Variants in CUBN observed in about 807,000 individuals in gnomAD.
CUBN encodes the protein cubilin.
In CUBN, 282 loss-of-function variants were observed where a neutral mutation model predicts 405.3. The ratio of observed to expected loss-of-function variants is 0.70; its 90% CI spans 0.63 to 0.77. The LOEUF is 0.77. Ranked by LOEUF, CUBN falls within the 30% of genes least tolerant of loss-of-function variation. CUBN has a pLI of 0.00. For synonymous variants in CUBN, 1,684 were observed against 1,617.0 expected, an observed-to-expected ratio of 1.04 and a Z score of -0.99; for missense variants, 4,514 against 4,475.2, an observed-to-expected ratio of 1.01 and a Z score of -0.25.
intron 51 of CUBN, among the ~76,000 whole-genome samples, chr10:16,902,029 G>GTA (rs36171086): frequency 0.69 from 83,125 of 119,920 alleles, 29,340 homozygotes; most frequent in East Asian, 0.96. Flanking sequence ...TATATAGTGT[G>GTA]TATATATATA....
chr10:16,918,901 T>C (rs1841962506), intron 44 of CUBN, 101 bp from the exon 45 acceptor site: 2 of 1,088,198 alleles, frequency 1.8e-6, no homozygotes, highest in Non-Finnish European at 2.7e-6. Flanking sequence ...TAAATCATCA[T>C]TTCTTAGCAT....
At chr10:16,903,670 T>G (rs1029605267) in intron 51 of CUBN, among the ~76,000 whole-genome samples, 2 of 147,768 alleles carry the variant, frequency 1.4e-5, no homozygotes, top group Non-Finnish European at 3.0e-5. Context: ...TATTTATTAT[T>G]ATTAATTATT....
At position 17,070,292 on chromosome 10, in the gene CUBN, C is replaced by T. The variant is rs572640676; in HGVS notation, c.2625+1134G>A. ...GTAGCTTTGTTCTAAGTTTTGAAATCAGGAAGTGTGAGTCCTTCAACTTTG... is the reference window on the plus strand; with the variant it reads ...GTAGCTTTGTTCTAAGTTTTGAAATTAGGAAGTGTGAGTCCTTCAACTTTG... On this transcript the variant is annotated intron_variant, in intron 19 of 66. Transcript: ENST00000377833. Among the ~76,000 whole-genome samples, 34 of 152,284 alleles carry T rather than the reference C, an allele frequency of 2.2e-4. 1 individual carries two copies. The South Asian group carries it at 6.4e-3, about 29-fold the overall frequency.
At position 17,007,783 on chromosome 10, in the gene CUBN, T is replaced by C. The variant is rs191198161; in HGVS notation, c.4168+12050A>G. 2.9e-3 allele frequency among the ~76,000 whole-genome samples: 437 copies of C among 152,298 alleles called. 3 individuals carry two copies. The highest frequency in any genetic ancestry group is 9.6e-3 in the African/African-American group (399 of 41,554). On this transcript the variant is annotated intron_variant, in intron 28 of 66. Coordinates refer to ENST00000377833, the MANE Select transcript of CUBN (RefSeq NM_001081.4). Reference sequence around the variant, plus strand: ...AGCCCTCCACCTGATTCTGAGAACATCCCTTGCGGGGCTGTGCAAGGAGAA... The same window carrying C: ...AGCCCTCCACCTGATTCTGAGAACACCCCTTGCGGGGCTGTGCAAGGAGAA...
chr10:16,928,204 G>T lies in CUBN; in HGVS notation c.6224C>A (p.Ser2075Ter). 1 of 1,613,966 alleles carries T rather than the reference G, an allele frequency of 6.2e-7. No homozygotes were observed. The highest frequency in any genetic ancestry group is 8.5e-7 in the Non-Finnish European group (1 of 1,179,894). ...GCCTGCCCTGGTTACACTGGAGTCC[G>T]AGGTGAAGCGGATGAACATGTACTC... Reference protein sequence around the residue: ...TGEYMFIRFTSDSSVTRAGFN... With the variant: ...TGEYMFIRFT Residue 2075 changes from serine (S) to a stop codon, truncating the protein, a stop_gained, in exon 41 of 67, where the codon TCG becomes TAG. Transcript: ENST00000377833. LOFTEE classifies it high-confidence loss of function.
At chr10:16,857,788 C>T (rs1038959795) in intron 59 of CUBN, among the ~76,000 whole-genome samples, 1 of 152,116 alleles carries the variant, frequency 6.6e-6, no homozygotes, top group Non-Finnish European at 1.5e-5. Flanking sequence ...TGATTTCACA[C>T]CCCTCTAACT....
intron 15 of CUBN, among the ~76,000 whole-genome samples, 179 bp from the exon 16 acceptor site, chr10:17,085,938 T>C (rs1836098689): frequency 6.6e-6 from 1 of 151,636 alleles, no homozygotes; most frequent in African/African-American, 2.4e-5. Context: ...CCTTCTCCCA[T>C]CACCCCAATG....
chr10:16,862,158 TCTCA>T (rs1302437954), intron 59 of CUBN, among the ~76,000 whole-genome samples: 3,400 of 90,730 alleles, frequency 0.037, 132 homozygotes, highest in African/African-American at 0.16. Flanking sequence ...TCTCTCTCTC[TCTCA>T]CACACACACA....
chr10:16,883,849 T>C (rs10508516), intron 56 of CUBN, among the ~76,000 whole-genome samples: 7,274 of 152,312 alleles, frequency 0.048, 513 homozygotes, highest in African/African-American at 0.16. Context: ...CAAGAATTAC[T>C]GGATCTGAGA....
At chr10:17,091,350 G>A (rs1836253733) in intron 14 of CUBN, among the ~76,000 whole-genome samples, 1 of 151,894 alleles carries the variant, frequency 6.6e-6, no homozygotes, top group Non-Finnish European at 1.5e-5. Context: ...AATGGAATAA[G>A]TGACCATTTT....
chr10:16,877,657 G>T (rs770924254), intron 56 of CUBN, among the ~76,000 whole-genome samples: 1 of 152,112 alleles, frequency 6.6e-6, no homozygotes, highest in Non-Finnish European at 1.5e-5. Context: ...AATGTTTATT[G>T]AACAACCATT....
At position 17,129,150 on chromosome 10, in the gene CUBN, C is replaced by T; in HGVS notation, c.223G>A (p.Asp75Asn). The T allele has an allele frequency of 1.2e-6, 2 of 1,613,152 alleles. No homozygotes were observed. Among genetic ancestry groups the T allele is most frequent in the South Asian group, 1.1e-5 (1 of 91,062 alleles). Residue 75 changes from aspartate to asparagine, a missense_variant, in exon 2 of 67, where the codon GAT (aspartate) becomes AAT (asparagine). Asp to Asn is a conservative substitution (Grantham distance 23). This residue lies in a region of CUBN where 1,448 missense variants were observed against 1,388.0 expected (regional missense o/e 1.04). Transcript: ENST00000377833. ...TGSLGKIKLN[D>N]EDLSECLHQI... ...TGTAAACACTCACTGAGATCTTCAT[C>T]ATTTAATTTAATTTTTCCCAGGGAT...
chr10:16,869,857 T>C lies in CUBN; in HGVS notation c.9237-4A>G. The C allele has an allele frequency of 6.3e-7, 1 of 1,591,430 alleles. No individual in the cohort carries two copies. The highest frequency in any genetic ancestry group is 1.1e-5 in the South Asian group (1 of 90,630). ...AACCACATCAAAATCACTGAACCTGTGAAATGTACCTTGTTAATACTGATG... is the reference window on the plus strand; with the variant it reads ...AACCACATCAAAATCACTGAACCTGCGAAATGTACCTTGTTAATACTGATG... On this transcript the variant is annotated splice_polypyrimidine_tract_variant and splice_region_variant and intron_variant, in intron 58 of 66. Transcript: ENST00000377833.
In CUBN at chr10:16,829,942, G is replaced by GT. The variant is rs1020234349; in HGVS notation, c.10529-903dup. The stretch of plus-strand genomic sequence containing the variant: ...GTTCATGGTGGGTTTTTTTTGTTTT[G>GT]TTTTTTTTTTTGAGACGGAGTCTTG... On this transcript the variant is annotated intron_variant, in intron 65 of 66. Transcript: ENST00000377833. Among the ~76,000 whole-genome samples, 565 of 128,752 alleles carry GT rather than the reference G, an allele frequency of 4.4e-3. 7 individuals carry two copies. The highest frequency in any genetic ancestry group is 0.029 in the East Asian group (122 of 4,196). The allele number at this position is 128,752 out of a possible 152,430, so 84.5% of individuals were successfully genotyped here.
At chr10:17,061,971 T>A (rs1835514989) in intron 22 of CUBN, among the ~76,000 whole-genome samples, 1 of 152,162 alleles carries the variant, frequency 6.6e-6, no homozygotes, top group African/African-American at 2.4e-5. Flanking sequence ...CATCCTAGAC[T>A]TCTATCTCCC....
At chr10:16,827,108 A>G (rs923940404) in intron 66 of CUBN, among the ~76,000 whole-genome samples, 11 of 152,192 alleles carry the variant, frequency 7.2e-5, no homozygotes, top group African/African-American at 2.4e-4. Flanking sequence ...ATGTAACTAT[A>G]TGTATAAAGA....
At chr10:16,910,881 C>G (rs1192249080) in intron 48 of CUBN, among the ~76,000 whole-genome samples, 5 of 151,988 alleles carry the variant, frequency 3.3e-5, no homozygotes, top group African/African-American at 4.8e-5. Flanking sequence ...TGCCCTTGCC[C>G]ATTTCCTTGG....
At position 17,109,629 on chromosome 10, in the gene CUBN, T is replaced by A. The variant is rs773584117; in HGVS notation, c.1111+11A>T. The A allele has an allele frequency of 1.9e-6, 3 of 1,606,476 alleles. No homozygotes were observed. Among genetic ancestry groups the A allele is most frequent in the Non-Finnish European group, 1.7e-6 (2 of 1,173,178 alleles). ...CAATACCCAAAGCCAAAGAGAGAGA[T>A]GAGTCATTACCTAGAGTTGAGGAGC... On this transcript the variant is annotated intron_variant, in intron 10 of 66. Transcript: ENST00000377833.
chr10:17,041,224 G>C lies in CUBN; in HGVS notation c.3830-4C>G. ...ACTATTACCACATTCTCACATGCTGGAAAAAGAAATGACTGTTAAGAACCA... is the reference window on the plus strand; with the variant it reads ...ACTATTACCACATTCTCACATGCTGCAAAAAGAAATGACTGTTAAGAACCA... On this transcript the variant is annotated splice_region_variant and splice_polypyrimidine_tract_variant and intron_variant, in intron 26 of 66. Coordinates refer to ENST00000377833, the MANE Select transcript of CUBN (RefSeq NM_001081.4). 1 of 1,611,792 alleles carries C rather than the reference G, an allele frequency of 6.2e-7. No homozygotes were observed. The highest frequency in any genetic ancestry group is 8.5e-7 in the Non-Finnish European group (1 of 1,178,146).
Sources: allele counts gnomAD v4.1 joint callset (sites outside exome capture counted in the v4.1 genomes callset), GRCh38; gene constraint gnomAD v4.1.1; regional missense constraint gnomAD v4.1.1; transcripts MANE v1.5; gene names NCBI Gene and HGNC (gene_info 2026-07-23, HGNC 2026-07-21).